Variants in PTPRO observed in about 807,000 individuals in gnomAD.
The protein encoded by PTPRO is receptor-type tyrosine-protein phosphatase O.
In PTPRO, 62 loss-of-function variants were observed where a neutral mutation model predicts 145.2. The ratio of observed to expected loss-of-function variants is 0.43; its 90% confidence interval spans 0.35 to 0.53. The LOEUF (loss-of-function observed/expected upper bound fraction) is 0.53. PTPRO is among the 20% of genes least tolerant of loss of function. PTPRO has a pLI of 0.01. For synonymous variants in PTPRO, 565 were observed against 514.7 expected, an observed-to-expected ratio of 1.10 and a Z score of -1.32; for missense variants, 1,345 against 1,482.7, an observed-to-expected ratio of 0.91 and a Z score of 1.53.
intron 1 of PTPRO, among the ~76,000 whole-genome samples, chr12:15,405,522 C>T (rs1300368923): frequency 1.3e-5 from 2 of 152,028 alleles, no homozygotes; most frequent in Non-Finnish European, 2.9e-5. Flanking sequence ...TTGGTTAATA[C>T]AAATGGGAAA....
chr12:15,453,710 T>C (rs1379502223), intron 1 of PTPRO, among the ~76,000 whole-genome samples: 1 of 152,178 alleles, frequency 6.6e-6, no homozygotes, highest in East Asian at 1.9e-4. Context: ...TGAAACTTTA[T>C]AGCCTTTAAA....
chr12:15,411,113 T>C (rs938229510), intron 1 of PTPRO, among the ~76,000 whole-genome samples: 10 of 152,268 alleles, frequency 6.6e-5, no homozygotes, highest in Non-Finnish European at 1.2e-4. Context: ...GGTCAGTCAG[T>C]AAGTTTTAAA....
chr12:15,354,033 G>C (rs543519585), intron 1 of PTPRO, among the ~76,000 whole-genome samples: 1 of 152,200 alleles, frequency 6.6e-6, no homozygotes, highest in Non-Finnish European at 1.5e-5. Context: ...AGCTGTGTAA[G>C]CTGAACAAAC....
intron 7 of PTPRO, among the ~76,000 whole-genome samples, chr12:15,510,711 A>G (rs1282060491): frequency 6.6e-6 from 1 of 152,178 alleles, no homozygotes; most frequent in East Asian, 1.9e-4. Context: ...TTACCACAAG[A>G]CCTTTTTGAG....
chr12:15,371,841 G>A (rs903324970), intron 1 of PTPRO, among the ~76,000 whole-genome samples: 1 of 151,906 alleles, frequency 6.6e-6, no homozygotes, highest in Non-Finnish European at 1.5e-5. Context: ...TTTTATAAGG[G>A]GCTCTTCCCC....
intron 1 of PTPRO, among the ~76,000 whole-genome samples, chr12:15,391,564 A>C (rs1939189621): frequency 6.6e-6 from 1 of 151,560 alleles, no homozygotes; most frequent in African/African-American, 2.4e-5. Context: ...TTCCACACAC[A>C]CTCCTTCATG....
intron 1 of PTPRO, among the ~76,000 whole-genome samples, chr12:15,436,547 C>A (rs972235017): frequency 5.9e-5 from 9 of 152,126 alleles, no homozygotes; most frequent in Admixed American, 5.9e-4. Context: ...CCAAGCAACC[C>A]AGGCCAAGAG....
intron 1 of PTPRO, among the ~76,000 whole-genome samples, chr12:15,460,712 T>G (rs1185645326): frequency 6.6e-6 from 1 of 152,178 alleles, no homozygotes; most frequent in Non-Finnish European, 1.5e-5. Context: ...AATGGAAATA[T>G]CACTGGACTG....
intron 1 of PTPRO, among the ~76,000 whole-genome samples, chr12:15,386,331 A>G (rs1413549086): frequency 1.3e-5 from 2 of 152,206 alleles, no homozygotes; most frequent in African/African-American, 2.4e-5. Flanking sequence ...CTGATCACTC[A>G]TATTTGAAAA....
At chr12:15,390,104 T>A (rs1351229739) in intron 1 of PTPRO, among the ~76,000 whole-genome samples, 1 of 152,156 alleles carries the variant, frequency 6.6e-6, no homozygotes, top group African/African-American at 2.4e-5. Flanking sequence ...CTCACAGGAT[T>A]TTCTGGGGAG....
intron 11 of PTPRO, 63 bp downstream of exon 11, chr12:15,525,028 C>G (rs1942808767): frequency 6.4e-7 from 1 of 1,564,260 alleles, no homozygotes. Context: ...CTATTGAAAA[C>G]CACTAAGCAA....
intron 1 of PTPRO, among the ~76,000 whole-genome samples, chr12:15,379,530 C>CAAAAAAAA (rs1211403772): frequency 1.8e-4 from 9 of 49,456 alleles, no homozygotes; most frequent in African/African-American, 4.3e-4. Flanking sequence ...AGCTCCATCT[C>CAAAAAAAA]AAAAAAAAAA....
At chr12:15,530,756 A>G (rs1050498927) in intron 12 of PTPRO, among the ~76,000 whole-genome samples, 2 of 152,180 alleles carry the variant, frequency 1.3e-5, no homozygotes, top group Non-Finnish European at 2.9e-5. Context: ...ATAGCAATAA[A>G]TGCCCTTAAT....
At chr12:15,493,053 A>T (rs1433800019) in intron 2 of PTPRO, among the ~76,000 whole-genome samples, 1 of 152,210 alleles carries the variant, frequency 6.6e-6, no homozygotes, top group Non-Finnish European at 1.5e-5. Flanking sequence ...TCATCAGATT[A>T]CTAAGGCTGA....
At chr12:15,491,537 T>A (rs1315223024) in intron 2 of PTPRO, among the ~76,000 whole-genome samples, 1 of 152,188 alleles carries the variant, frequency 6.6e-6, no homozygotes, top group Non-Finnish European at 1.5e-5. Flanking sequence ...ATTGTTCAAT[T>A]TGAACATGAG....
intron 1 of PTPRO, among the ~76,000 whole-genome samples, chr12:15,352,649 CAAA>C (rs71042243): frequency 1.8e-4 from 18 of 100,346 alleles, no homozygotes; most frequent in African/African-American, 1.6e-4. Flanking sequence ...GACTCTGTCT[CAAA>C]AAAAAAAAAA....
intron 19 of PTPRO, among the ~76,000 whole-genome samples, chr12:15,576,982 C>G (rs1944200510): frequency 6.6e-6 from 1 of 152,138 alleles, no homozygotes; most frequent in Non-Finnish European, 1.5e-5. Flanking sequence ...AAACATCACA[C>G]TGATTTAGTT....
intron 4 of PTPRO, 54 bp from the exon 5 acceptor site, chr12:15,501,566 T>C: frequency 6.7e-7 from 1 of 1,485,350 alleles, no homozygotes; most frequent in East Asian, 2.3e-5. Flanking sequence ...AGATTAAGTA[T>C]TCACTCTAAT....
chr12:15,595,410 T>C, intron 26 of PTPRO: 1 of 291,742 alleles, frequency 3.4e-6, no homozygotes, highest in South Asian at 3.8e-5. Context: ...CTTGTGCAAA[T>C]ATTTTATTGA....
Sources: gnomAD v4.1 joint callset for allele counts (sites outside exome capture counted in the v4.1 genomes callset) on GRCh38, gnomAD v4.1.1 for gene constraint, MANE v1.5 for transcripts, NCBI Gene and HGNC (gene_info 2026-07-23, HGNC 2026-07-21) for gene names.